IGF2BP3: variants seen among roughly 807,000 people sequenced by gnomAD.
IGF2BP3 encodes insulin-like growth factor 2 mRNA-binding protein 3.
A neutral mutation model predicts 73.8 loss-of-function variants in IGF2BP3; 9 were observed. The ratio of observed to expected loss-of-function variants is 0.12; its 90% CI spans 0.07 to 0.21. IGF2BP3 has a LOEUF of 0.21. Ranked by LOEUF, IGF2BP3 falls within the 10% of genes least tolerant of loss-of-function variation. The probability of loss-of-function intolerance (pLI) is 1.00; values close to 1 mark genes in which losing one functional copy is unlikely to be tolerated. For missense variants in IGF2BP3, 542 were observed against 714.0 expected (o/e 0.76, Z 2.75); for synonymous variants, 258 against 256.7 (o/e 1.01, Z -0.05).
chr7:23,444,343 G>A (rs1378870885), intron 2 of IGF2BP3, among the ~76,000 whole-genome samples: 1 of 152,022 alleles, frequency 6.6e-6, no homozygotes, highest in African/African-American at 2.4e-5. Flanking sequence ...ACCTACATAT[G>A]GGTGAATATA....
At chr7:23,327,965 C>G (rs1034350798) in intron 10 of IGF2BP3, among the ~76,000 whole-genome samples, 1 of 152,076 alleles carries the variant, frequency 6.6e-6, no homozygotes, top group African/African-American at 2.4e-5. Flanking sequence ...GCAGACTTAC[C>G]AGGAGGCCAT....
At chr7:23,425,029 A>T (rs879512433) in intron 2 of IGF2BP3, among the ~76,000 whole-genome samples, 1 of 152,222 alleles carries the variant, frequency 6.6e-6, no homozygotes, top group Non-Finnish European at 1.5e-5. Context: ...AAAAATAAGG[A>T]GCTTTATTTC....
At chr7:23,347,330 T>C (rs1216510703) in intron 7 of IGF2BP3, among the ~76,000 whole-genome samples, 1 of 152,194 alleles carries the variant, frequency 6.6e-6, no homozygotes, top group Non-Finnish European at 1.5e-5. Flanking sequence ...CCAGGATACC[T>C]CCTGGTCCTA....
At chr7:23,467,429 T>C (rs1268320112) in intron 2 of IGF2BP3, among the ~76,000 whole-genome samples, 2 of 152,152 alleles carry the variant, frequency 1.3e-5, no homozygotes, top group Admixed American at 6.5e-5. Flanking sequence ...TTGGCTCAGG[T>C]TGGGAGTTGG....
intron 8 of IGF2BP3, 92 bp downstream of exon 8, chr7:23,345,848 A>T (rs1421239419): frequency 1.4e-5 from 19 of 1,404,070 alleles, no homozygotes; most frequent in Non-Finnish European, 1.6e-5. Flanking sequence ...GGCTAGCTGA[A>T]GCAGCTGTAA....
chr7:23,425,386 T>C (rs922392919), intron 2 of IGF2BP3, among the ~76,000 whole-genome samples: 2 of 152,206 alleles, frequency 1.3e-5, no homozygotes, highest in Admixed American at 6.5e-5. Context: ...TATATAATAA[T>C]GTATTTTTTC....
chr7:23,418,542 AC>A (rs1787256391), intron 3 of IGF2BP3, among the ~76,000 whole-genome samples: 1 of 152,206 alleles, frequency 6.6e-6, no homozygotes, highest in African/African-American at 2.4e-5. Flanking sequence ...GAGAAAGATT[AC>A]CCAGTTACCC....
rs1562721222 is a variant in IGF2BP3, at chr7:23,391,027, G to A, written c.285+27749C>T. ...TTAGCCAGGGTAGTCTTGAACCCTT[G>A]GCCTCAAGTGATCTGCCCGTCTCGG... On this transcript the variant is annotated intron_variant, in intron 3 of 14. Transcript: ENST00000258729. Among the ~76,000 whole-genome samples, 3 of 151,186 alleles carry A rather than the reference G, an allele frequency of 2.0e-5. No individual in the cohort carries two copies. The South Asian group carries it at 6.3e-4, about 32-fold the overall frequency.
chr7:23,374,222 C>T (rs1657461130), intron 3 of IGF2BP3, among the ~76,000 whole-genome samples: 1 of 152,174 alleles, frequency 6.6e-6, no homozygotes, highest in Admixed American at 6.5e-5. Flanking sequence ...AAGGTGAAAG[C>T]AACCCAAGCA....
chr7:23,338,381 C>T (rs183593759), intron 10 of IGF2BP3, among the ~76,000 whole-genome samples: 42 of 152,212 alleles, frequency 2.8e-4, no homozygotes, highest in African/African-American at 6.5e-4. Flanking sequence ...CTTAGCTGGG[C>T]GTGATGGTGT....
At chr7:23,327,743 T>C (rs1784341309) in intron 10 of IGF2BP3, among the ~76,000 whole-genome samples, 2 of 152,104 alleles carry the variant, frequency 1.3e-5, no homozygotes, top group South Asian at 4.1e-4. Flanking sequence ...TAGAAACCAA[T>C]TTGTGCCATT....
In IGF2BP3 at chr7:23,363,249, GCTT is replaced by G. The variant is rs1338867220; in HGVS notation, c.286-1511_286-1509del. 2.0e-5 allele frequency among the ~76,000 whole-genome samples: 3 copies of G among 151,982 alleles called. No homozygotes were observed. The East Asian group carries it at 5.8e-4, about 29-fold the overall frequency. The stretch of plus-strand genomic sequence containing the variant: ...ATATAACAAGGTTTGTCTGGGGTGA[GCTT>G]CTGTTTTTAGTTTTGGGACAGGGTC... On this transcript the variant is annotated intron_variant, in intron 3 of 14. Transcript: ENST00000258729.
intron 10 of IGF2BP3, among the ~76,000 whole-genome samples, chr7:23,336,266 G>A (rs2080467555): frequency 6.6e-6 from 1 of 151,974 alleles, no homozygotes; most frequent in Non-Finnish European, 1.5e-5. Context: ...AATAAAAGCA[G>A]AAGTTCACTG....
chr7:23,310,590 A>C lies in IGF2BP3; in HGVS notation c.*1772T>G, dbSNP rs1200146317. 1 of 152,224 alleles carries C rather than the reference A, an allele frequency of 6.6e-6. No homozygotes were observed. The highest frequency in any genetic ancestry group is 1.9e-4 in the East Asian group (1 of 5,204). The allele number at this position is 152,224 out of a possible 1,614,324, so 9.4% of individuals were successfully genotyped here. A position where few individuals can be genotyped will look rare whatever the true frequency, so the allele number is the denominator to read the frequency against. ...TCCATGATTTTAGCAATTTTAATTC[A>C]TTGTATGAAAAAAAAATCATGAATG... On this transcript the variant is annotated 3_prime_UTR_variant, in exon 15 of 15. Transcript: ENST00000258729.
At chr7:23,421,774 T>C (rs1248249452) in intron 2 of IGF2BP3, among the ~76,000 whole-genome samples, 1 of 151,900 alleles carries the variant, frequency 6.6e-6, no homozygotes, top group Non-Finnish European at 1.5e-5. Context: ...AGTACTAATC[T>C]GGTTTTTTGT....
Position 23,412,802 on chromosome 7 carries a change from A to G in IGF2BP3, c.285+5974T>C, listed in dbSNP as rs530683225. 3.5e-5 allele frequency among the ~76,000 whole-genome samples: 5 copies of G among 142,218 alleles called. 1 individual carries two copies. The South Asian group carries it at 8.8e-4, about 25-fold the overall frequency. The allele number at this position is 142,218 out of a possible 152,430, so 93.3% of individuals were successfully genotyped here. On this transcript the variant is annotated intron_variant, in intron 3 of 14. Coordinates refer to ENST00000258729, the MANE Select transcript of IGF2BP3 (RefSeq NM_006547.3). ...TGGAGAGTAGTTTCAAGGAAATAAC[A>G]TTAGGAGAAACTGAGAAATCCTTTC...
intron 3 of IGF2BP3, among the ~76,000 whole-genome samples, chr7:23,387,093 A>AAAGG (rs914728073): frequency 4.0e-5 from 6 of 151,568 alleles, no homozygotes; most frequent in African/African-American, 1.5e-4. Flanking sequence ...AAAGAAAGAA[A>AAAGG]AAGGAAGGAA....
Position 23,319,172 on chromosome 7 carries a change from T to C in IGF2BP3, c.1286A>G (p.Lys429Arg), listed in dbSNP as rs780077238. The C allele has an allele frequency of 2.5e-6, 4 of 1,613,902 alleles. No homozygotes were observed. The highest frequency in any genetic ancestry group is 3.4e-6 in the Non-Finnish European group (4 of 1,179,834). ...AIIGKQGQHIKQLSRFAGASI... is the reference protein window; with the variant it reads ...AIIGKQGQHIRQLSRFAGASI... ...AGCTCCAGCAAAGCGAGAAAGCTGC[T>C]TGATGTGCTGGCCCTGCTTGCCGAT... The change falls in exon 11 of 15, where the codon AAG becomes AGG. Residue 429 changes from lysine (K) to arginine (R), a missense_variant. Coordinates refer to ENST00000258729, the MANE Select transcript of IGF2BP3 (RefSeq NM_006547.3).
chr7:23,328,361 A>C (rs1262965369), intron 10 of IGF2BP3, among the ~76,000 whole-genome samples: 1 of 152,162 alleles, frequency 6.6e-6, no homozygotes, highest in Non-Finnish European at 1.5e-5. Flanking sequence ...GGCGTGTGCC[A>C]CCATGCCCAG....
Sources: gnomAD v4.1 joint callset for allele counts (sites outside exome capture counted in the v4.1 genomes callset) on GRCh38, gnomAD v4.1.1 for gene constraint, MANE v1.5 for transcripts, NCBI Gene and HGNC (gene_info 2026-07-23, HGNC 2026-07-21) for gene names.